The following ADGRL3 variants were observed in gnomAD, a reference collection of about 807,000 sequenced individuals.
ADGRL3 encodes adhesion G protein-coupled receptor L3.
In ADGRL3, 62 loss-of-function variants were observed where a neutral mutation model predicts 153.5. The ratio of observed to expected loss-of-function variants is 0.40; its 90% CI spans 0.33 to 0.50. ADGRL3 has a LOEUF of 0.50. ADGRL3 is among the 20% of genes least tolerant of loss of function. ADGRL3 has a pLI of 0.47. For synonymous variants in ADGRL3, 710 were observed against 672.5 expected (o/e 1.06, Z -0.86); for missense variants, 1,641 against 1,859.4 (o/e 0.88, Z 2.16).
chr4:61,736,824 C>T (rs1165877116), intron 8 of ADGRL3, among the ~76,000 whole-genome samples: 2 of 152,156 alleles, frequency 1.3e-5, no homozygotes, highest in Non-Finnish European at 2.9e-5. Context: ...AGTGAAATTT[C>T]ACCTGTTAAA....
intron 8 of ADGRL3, among the ~76,000 whole-genome samples, chr4:61,748,453 C>G (rs2096704320): frequency 6.6e-6 from 1 of 151,412 alleles, no homozygotes; most frequent in Non-Finnish European, 1.5e-5. Context: ...TACCTGACTT[C>G]AAACTATACT....
intron 4 of ADGRL3, among the ~76,000 whole-genome samples, chr4:61,548,604 C>A (rs774077288): frequency 2.2e-4 from 34 of 151,996 alleles, no homozygotes; most frequent in Admixed American, 3.3e-4. Flanking sequence ...GGTATTATTT[C>A]TAGACTTTCT....
intron 2 of ADGRL3, among the ~76,000 whole-genome samples, chr4:61,441,192 C>T (rs777765845): frequency 7.9e-5 from 12 of 152,068 alleles, no homozygotes; most frequent in Non-Finnish European, 1.8e-4. Context: ...CTGACCAGTT[C>T]CTCTGCCTGA....
chr4:61,289,512 T>C (rs1274820661), intron 1 of ADGRL3, among the ~76,000 whole-genome samples: 1 of 152,088 alleles, frequency 6.6e-6, no homozygotes, highest in African/African-American at 2.4e-5. Flanking sequence ...CTGGCAATAA[T>C]GTATGCCTTT....
chr4:61,998,353 A>G (rs1300233617), intron 21 of ADGRL3, 88 bp downstream of exon 21: 55 of 636,982 alleles, frequency 8.6e-5, no homozygotes, highest in Non-Finnish European at 5.8e-5. Flanking sequence ...TCTTATGACA[A>G]AAGGATAAAG....
intron 5 of ADGRL3, among the ~76,000 whole-genome samples, chr4:61,635,616 A>G (rs1207554021): frequency 6.6e-6 from 1 of 152,124 alleles, no homozygotes; most frequent in African/African-American, 2.4e-5. Flanking sequence ...ATTTAAGCCC[A>G]TGGTGAACTG....
At chr4:61,961,250 T>C (rs2150490854) in intron 17 of ADGRL3, among the ~76,000 whole-genome samples, 1 of 152,266 alleles carries the variant, frequency 6.6e-6, no homozygotes, top group Non-Finnish European at 1.5e-5. Flanking sequence ...GCCACCTTCC[T>C]TGCCCACTTG....
At chr4:61,680,015 T>G (rs2150958590) in intron 6 of ADGRL3, among the ~76,000 whole-genome samples, 1 of 152,182 alleles carries the variant, frequency 6.6e-6, no homozygotes, top group Non-Finnish European at 1.5e-5. Flanking sequence ...TGCAAACTTT[T>G]ATTTTCCCAA....
At chr4:61,341,223 T>C (rs534072409) in intron 1 of ADGRL3, among the ~76,000 whole-genome samples, 18 of 152,106 alleles carry the variant, frequency 1.2e-4, no homozygotes, top group African/African-American at 4.1e-4. Context: ...TTGAAATCAA[T>C]AAATTTTGAG....
intron 17 of ADGRL3, among the ~76,000 whole-genome samples, chr4:61,961,060 A>C (rs1449337977): frequency 1.3e-5 from 2 of 152,122 alleles, no homozygotes; most frequent in South Asian, 4.2e-4. Context: ...CTTTACGTCT[A>C]ACCCCTCTAA....
chr4:61,761,478 CCAGT>C (rs1193976241), intron 8 of ADGRL3, among the ~76,000 whole-genome samples: 2 of 152,010 alleles, frequency 1.3e-5, no homozygotes, highest in Non-Finnish European at 2.9e-5. Context: ...AAATTTTTAC[CCAGT>C]CAAAGCATAT....
chr4:61,448,703 GGAAA>G (rs904682497), intron 2 of ADGRL3, among the ~76,000 whole-genome samples: 3 of 20,242 alleles, frequency 1.5e-4, no homozygotes, highest in Non-Finnish European at 2.2e-4. Flanking sequence ...TAGGAACGAA[GGAAA>G]GAAAGAAGGA....
chr4:61,797,809 G>A (rs1182499591), intron 8 of ADGRL3, among the ~76,000 whole-genome samples: 1 of 152,094 alleles, frequency 6.6e-6, no homozygotes, highest in African/African-American at 2.4e-5. Flanking sequence ...TCTCCTTCAT[G>A]TTCAACTTGT....
chr4:61,266,115 T>C (rs1323600666), intron 1 of ADGRL3, among the ~76,000 whole-genome samples: 2 of 151,872 alleles, frequency 1.3e-5, no homozygotes, highest in African/African-American at 4.8e-5. Context: ...TTTTTATACT[T>C]TATAGTTATT....
chr4:61,991,701 A>G (rs1288939743), intron 19 of ADGRL3, among the ~76,000 whole-genome samples: 2 of 151,650 alleles, frequency 1.3e-5, no homozygotes, highest in Non-Finnish European at 2.9e-5. Flanking sequence ...AGATGTATGA[A>G]TGTGCTGCAA....
chr4:61,629,456 C>T (rs967237862), intron 5 of ADGRL3, among the ~76,000 whole-genome samples: 113 of 151,838 alleles, frequency 7.4e-4, no homozygotes, highest in African/African-American at 2.3e-3. Flanking sequence ...CGGTGGTTCA[C>T]GCCTGTAATC....
chr4:61,872,408 CTTTT>C (rs10715924), intron 9 of ADGRL3, among the ~76,000 whole-genome samples: 10 of 133,094 alleles, frequency 7.5e-5, no homozygotes, highest in African/African-American at 2.7e-4. Context: ...TCCTTCTTTC[CTTTT>C]TTTTTTTTTT....
chr4:61,614,972 G>T (rs994919900), intron 5 of ADGRL3, among the ~76,000 whole-genome samples: 3 of 152,116 alleles, frequency 2.0e-5, no homozygotes, highest in African/African-American at 7.2e-5. Context: ...ATAAGTATAG[G>T]AATGATATGG....
intron 21 of ADGRL3, among the ~76,000 whole-genome samples, chr4:62,016,296 C>A (rs552816869): frequency 6.6e-6 from 1 of 152,164 alleles, no homozygotes; most frequent in Non-Finnish European, 1.5e-5. Context: ...ATCTGCCCCC[C>A]TCGGCCTCCC....
Sources: gnomAD v4.1 joint callset for allele counts (sites outside exome capture counted in the v4.1 genomes callset) on GRCh38, gnomAD v4.1.1 for gene constraint, MANE v1.5 for transcripts, NCBI Gene and HGNC (gene_info 2026-07-23, HGNC 2026-07-21) for gene names.